Variants in CTNNA3 observed in about 807,000 individuals in gnomAD.
CTNNA3 encodes the protein catenin alpha-3.
A neutral mutation model predicts 95.7 loss-of-function variants in CTNNA3; 76 were observed. That is an observed-to-expected ratio of 0.79 (90% CI 0.66 to 0.96). The LOEUF (loss-of-function observed/expected upper bound fraction) is 0.96, where lower values mean the gene tolerates loss of function less well. Among genes scored for constraint, CTNNA3 ranks in the 40% least tolerant of loss-of-function variants. CTNNA3 has a pLI of 0.00. For synonymous variants in CTNNA3, 431 were observed against 374.4 expected, an observed-to-expected ratio of 1.15 and a Z score of -1.74; for missense variants, 1,191 against 1,089.8, an observed-to-expected ratio of 1.09 and a Z score of -1.31.
chr10:67,742,717 G>T (rs1589587137), intron 1 of CTNNA3, among the ~76,000 whole-genome samples: 2 of 151,094 alleles, frequency 1.3e-5, no homozygotes, highest in East Asian at 1.9e-4. Context: ...CCAGGAGCTG[G>T]TTTTTTGAAA....
intron 9 of CTNNA3, among the ~76,000 whole-genome samples, chr10:66,624,604 A>G (rs1844868526): frequency 6.6e-6 from 1 of 152,142 alleles, no homozygotes; most frequent in Non-Finnish European, 1.5e-5. Flanking sequence ...AGACAAAATG[A>G]TTATGTATGC....
At chr10:66,314,637 A>G (rs927732662) in intron 12 of CTNNA3, among the ~76,000 whole-genome samples, 3 of 152,128 alleles carry the variant, frequency 2.0e-5, no homozygotes, top group African/African-American at 7.2e-5. Flanking sequence ...TCTGAGCTTC[A>G]ATATCTTATA....
Position 66,619,326 on chromosome 10 carries a change from G to A in CTNNA3, c.1374+2366C>T, listed in dbSNP as rs1210506696. 2.0e-3 allele frequency among the ~76,000 whole-genome samples: 298 copies of A among 146,902 alleles called. 2 individuals are homozygous for A. The highest frequency in any genetic ancestry group is 4.7e-3 in the African/African-American group (188 of 40,188). On this transcript the variant is annotated intron_variant, in intron 10 of 17. Transcript: ENST00000433211. ...GGAACAAACCCAAATGTCCAACAAC[G>A]ATAGACTGGATTAAGAAAATGTGGC...
intron 13 of CTNNA3, among the ~76,000 whole-genome samples, chr10:66,232,946 A>G (rs2089660110): frequency 6.6e-6 from 1 of 152,058 alleles, no homozygotes. Flanking sequence ...TCACGAGGTC[A>G]GGAGATCGAG....
intron 7 of CTNNA3, among the ~76,000 whole-genome samples, chr10:66,866,184 G>A (rs1006335654): frequency 6.6e-6 from 1 of 152,224 alleles, no homozygotes; most frequent in Non-Finnish European, 1.5e-5. Context: ...CTAGTTAACA[G>A]CAGGACACAG....
At chr10:66,797,132 G>C (rs1353759107) in intron 7 of CTNNA3, among the ~76,000 whole-genome samples, 1 of 151,516 alleles carries the variant, frequency 6.6e-6, no homozygotes, top group Non-Finnish European at 1.5e-5. Context: ...GACAACAAAA[G>C]TGCCTCAAGT....
chr10:66,634,572 G>GGTGTGTGTGTGTGTGTGT lies in CTNNA3; in HGVS notation c.1282-12806_1282-12789dup, dbSNP rs59187647. On this transcript the variant is annotated intron_variant, in intron 9 of 17. Coordinates refer to ENST00000433211, the MANE Select transcript of CTNNA3 (RefSeq NM_013266.4). ...ATGTTTGGAAAGGTACTCTGTGCAT[G>GGTGTGTGTGTGTGTGTGT]GTGTGTGTGTGTGTGTGTGTGTGTG... is the stretch of plus-strand genomic sequence containing the variant. Among the ~76,000 whole-genome samples, 575 of 146,166 alleles carry GGTGTGTGTGTGTGTGTGT rather than the reference G, an allele frequency of 3.9e-3. 3 individuals carry two copies. The highest frequency in any genetic ancestry group is 0.014 in the African/African-American group (537 of 39,404).
At chr10:66,407,585 T>TA (rs1464309443) in intron 11 of CTNNA3, among the ~76,000 whole-genome samples, 1 of 125,590 alleles carries the variant, frequency 8.0e-6, no homozygotes, top group Non-Finnish European at 1.6e-5. Context: ...AACTTTTACA[T>TA]ATTTTTTTTT....
intron 10 of CTNNA3, among the ~76,000 whole-genome samples, chr10:66,589,902 C>T (rs1165759498): frequency 6.6e-6 from 1 of 151,884 alleles, no homozygotes; most frequent in Non-Finnish European, 1.5e-5. Flanking sequence ...TTGTGATTCC[C>T]ATCATAAACG....
chr10:66,696,609 A>G (rs896158660), intron 9 of CTNNA3, among the ~76,000 whole-genome samples: 2 of 152,286 alleles, frequency 1.3e-5, no homozygotes, highest in Admixed American at 1.3e-4. Flanking sequence ...TGCTAATTCC[A>G]GTTGAAATAA....
At position 65,916,691 on chromosome 10, in the gene CTNNA3, A is replaced by T. The variant is rs2077011536; in HGVS notation, c.*3639T>A. 6.6e-6 allele frequency: 1 copy of T among 152,170 alleles called. No individual in the cohort carries two copies. The highest frequency in any genetic ancestry group is 1.5e-5 in the Non-Finnish European group (1 of 68,028). The allele number at this position is 152,170 out of a possible 1,614,324, so 9.4% of individuals were successfully genotyped here. A position where few individuals can be genotyped will look rare whatever the true frequency, so the allele number is the denominator to read the frequency against. On this transcript the variant is annotated 3_prime_UTR_variant, in exon 18 of 18. Coordinates refer to ENST00000433211, the MANE Select transcript of CTNNA3 (RefSeq NM_013266.4). ...TTTATACCTGGGATAGAGATGAGAG[A>T]CAGGAGAGAGATATTTTTGGTTCAC...
chr10:67,547,963 T>G (rs1233732969), intron 3 of CTNNA3, among the ~76,000 whole-genome samples: 1 of 152,222 alleles, frequency 6.6e-6, no homozygotes, highest in African/African-American at 2.4e-5. Flanking sequence ...CCCATATCGG[T>G]CCACAGATTC....
rs575762199 is a variant in CTNNA3 at position 66,892,267 on chromosome 10, A to T, written c.1048-116743T>A. ...TGAACTTTTAATTACGGACGATGTC[A>T]AAATGCAATGTGTTCCTTTAGCTTC... On this transcript the variant is annotated intron_variant, in intron 7 of 17. Coordinates refer to ENST00000433211, the MANE Select transcript of CTNNA3 (RefSeq NM_013266.4). Among the ~76,000 whole-genome samples the T allele has an allele frequency of 8.0e-4, 122 of 152,234 alleles. 1 individual carries two copies. The highest frequency in any genetic ancestry group is 2.8e-3 in the African/African-American group (115 of 41,562).
intron 2 of CTNNA3, among the ~76,000 whole-genome samples, chr10:67,630,869 T>G (rs1373684196): frequency 1.3e-5 from 2 of 152,242 alleles, no homozygotes; most frequent in Non-Finnish European, 2.9e-5. Flanking sequence ...TTTAAGGGAT[T>G]TTGAGTAAGT....
rs540475542 is a variant in CTNNA3 at position 66,794,744 on chromosome 10, A to T, written c.1048-19220T>A. 3.3e-5 allele frequency among the ~76,000 whole-genome samples: 5 copies of T among 152,298 alleles called. No individual in the cohort carries two copies. In the South Asian group the frequency reaches 1.0e-3, roughly 32 times the overall value. On this transcript the variant is annotated intron_variant, in intron 7 of 17. Transcript: ENST00000433211. The stretch of plus-strand genomic sequence containing the variant: ...TTTGAGAGTTTTTTACTAGCGGTAG[A>T]ACATCTTTCAGAACTGGAGTCAATC...
At chr10:67,693,872 C>T (rs1228602148) in intron 1 of CTNNA3, among the ~76,000 whole-genome samples, 1 of 152,170 alleles carries the variant, frequency 6.6e-6, no homozygotes, top group Non-Finnish European at 1.5e-5. Flanking sequence ...TGACTCCTAC[C>T]ATAGCCACGC....
chr10:66,106,659 T>C (rs1269109418), intron 13 of CTNNA3, among the ~76,000 whole-genome samples: 1 of 152,152 alleles, frequency 6.6e-6, no homozygotes, highest in Non-Finnish European at 1.5e-5. Context: ...CAAAAGTTTA[T>C]TTCTGTTTGT....
intron 10 of CTNNA3, among the ~76,000 whole-genome samples, chr10:66,521,019 C>T (rs1356038745): frequency 1.3e-5 from 2 of 150,778 alleles, no homozygotes; most frequent in Admixed American, 6.6e-5. Flanking sequence ...AGATGTAGAA[C>T]ATTTACTCAG....
chr10:66,812,112 G>A (rs1055944149), intron 7 of CTNNA3, among the ~76,000 whole-genome samples: 3 of 151,970 alleles, frequency 2.0e-5, no homozygotes, highest in Non-Finnish European at 4.4e-5. Context: ...TACCAACATG[G>A]GAAAATTCTC....
Sources: allele counts gnomAD v4.1 joint callset (sites outside exome capture counted in the v4.1 genomes callset), GRCh38; gene constraint gnomAD v4.1.1; transcripts MANE v1.5; gene names NCBI Gene and HGNC (gene_info 2026-07-23, HGNC 2026-07-21).